PRKG1: variants seen among roughly 807,000 people sequenced by gnomAD.
PRKG1 encodes the protein protein kinase cGMP-dependent 1.
In PRKG1, 35 loss-of-function variants were observed where a neutral mutation model predicts 88.1. The observed-to-expected ratio is 0.40, with a 90% confidence interval of 0.30 to 0.53. PRKG1 has a LOEUF of 0.53. Among genes scored for constraint, PRKG1 ranks in the 20% least tolerant of loss-of-function variants. The pLI, the probability that PRKG1 is intolerant of heterozygous loss-of-function variation, is 0.59. For missense variants in PRKG1, 540 were observed against 839.8 expected (o/e 0.64, Z 4.41); for synonymous variants, 303 against 292.5 (o/e 1.04, Z -0.37).
At chr10:51,536,001 G>T (rs140221251) in intron 3 of PRKG1, among the ~76,000 whole-genome samples, 1,778 of 152,286 alleles carry the variant, frequency 0.012, 17 homozygotes, top group Non-Finnish European at 0.021. Context: ...GTGATTACAG[G>T]CATGAGCCAT....
intron 1 of PRKG1, among the ~76,000 whole-genome samples, chr10:51,009,049 G>A (rs374729422): frequency 6.6e-6 from 1 of 152,082 alleles, no homozygotes; most frequent in East Asian, 1.9e-4. Flanking sequence ...AGTTTTATAA[G>A]GATTTATAGG....
intron 5 of PRKG1, among the ~76,000 whole-genome samples, chr10:51,975,122 C>T (rs1429691929): frequency 1.3e-5 from 2 of 152,132 alleles, no homozygotes; most frequent in East Asian, 3.9e-4. Flanking sequence ...AAATGTGTTA[C>T]CTCTTCAATT....
chr10:51,939,189 G>A (rs961036079), intron 5 of PRKG1, among the ~76,000 whole-genome samples: 1 of 151,880 alleles, frequency 6.6e-6, no homozygotes, highest in African/African-American at 2.4e-5. Context: ...TGCCAGAATT[G>A]AACATTATTT....
At chr10:51,949,097 T>A (rs996762650) in intron 5 of PRKG1, among the ~76,000 whole-genome samples, 1 of 152,194 alleles carries the variant, frequency 6.6e-6, no homozygotes, top group African/African-American at 2.4e-5. Context: ...GCCTTCAATA[T>A]GGACATCTAA....
intron 5 of PRKG1, among the ~76,000 whole-genome samples, chr10:52,022,129 A>G (rs1244564891): frequency 6.6e-6 from 1 of 152,194 alleles, no homozygotes; most frequent in Non-Finnish European, 1.5e-5. Flanking sequence ...ATTAGGGTAA[A>G]TGACTGATAC....
At chr10:51,704,273 A>T (rs1303875225) in intron 3 of PRKG1, among the ~76,000 whole-genome samples, 1 of 152,106 alleles carries the variant, frequency 6.6e-6, no homozygotes, top group Admixed American at 6.6e-5. Context: ...AGATAGATAG[A>T]TATTTTGTTT....
At chr10:52,080,132 A>G (rs2133302511) in intron 7 of PRKG1, among the ~76,000 whole-genome samples, 1 of 152,322 alleles carries the variant, frequency 6.6e-6, no homozygotes, top group East Asian at 1.9e-4. Context: ...ATTCTCAAGA[A>G]ATATGGATTA....
chr10:52,255,279 A>G (rs1488687037), intron 10 of PRKG1, among the ~76,000 whole-genome samples: 1 of 152,070 alleles, frequency 6.6e-6, no homozygotes, highest in Non-Finnish European at 1.5e-5. Flanking sequence ...TACAAGTGAA[A>G]ATTAGTCCCA....
chr10:51,604,112 T>G (rs1357307951), intron 3 of PRKG1, among the ~76,000 whole-genome samples: 2 of 151,902 alleles, frequency 1.3e-5, no homozygotes, highest in African/African-American at 4.8e-5. Context: ...TTCAGCCTTC[T>G]TAACCACCCT....
At chr10:52,157,306 G>GAGATAGAT (rs1289803162) in intron 8 of PRKG1, among the ~76,000 whole-genome samples, 1 of 125,918 alleles carries the variant, frequency 7.9e-6, no homozygotes, top group African/African-American at 2.9e-5. Context: ...TGAGTTAGTT[G>GAGATAGAT]ATATATATAT....
chr10:51,481,845 A>G (rs1385665251), intron 3 of PRKG1, among the ~76,000 whole-genome samples: 1 of 151,986 alleles, frequency 6.6e-6, no homozygotes, highest in Non-Finnish European at 1.5e-5. Context: ...ATTTTTAAGT[A>G]TCTTAGCAAA....
intron 5 of PRKG1, among the ~76,000 whole-genome samples, chr10:52,018,194 T>G (rs1845092684): frequency 6.6e-6 from 1 of 152,194 alleles, no homozygotes; most frequent in Non-Finnish European, 1.5e-5. Context: ...TAAAATGTGG[T>G]GTTGAGCCAA....
At position 52,251,521 on chromosome 10, in the gene PRKG1, G is replaced by A. The variant is rs376733598; in HGVS notation, c.1077-49G>A. 67 of 1,401,080 alleles carry A rather than the reference G, an allele frequency of 4.8e-5. No homozygotes were observed. The African/African-American group carries it at 6.2e-4, about 13-fold the overall frequency. 86.8% of individuals were successfully genotyped at this position (1,401,080 alleles called of 1,614,324 possible). A position where few individuals can be genotyped will look rare whatever the true frequency, so the allele number is the denominator to read the frequency against. ...TCTGGTACAGATGTACGTGGTACTC[G>A]TGTTTGCACCTCTAAGAAATTTCCA... On this transcript the variant is annotated intron_variant, in intron 9 of 17. Coordinates refer to ENST00000373980, the MANE Select transcript of PRKG1 (RefSeq NM_006258.4).
chr10:51,196,466 A>T (rs1039463216), intron 2 of PRKG1, among the ~76,000 whole-genome samples: 2 of 152,208 alleles, frequency 1.3e-5, no homozygotes, highest in African/African-American at 4.8e-5. Context: ...TAGGGACACA[A>T]CACTAGAAAC....
intron 1 of PRKG1, among the ~76,000 whole-genome samples, chr10:51,048,347 G>A (rs1404021516): frequency 4.0e-5 from 6 of 149,310 alleles, no homozygotes; most frequent in African/African-American, 9.9e-5. Flanking sequence ...CCTTGTGCTT[G>A]TATAGTATTT....
chr10:52,103,439 A>G (rs78213193), intron 7 of PRKG1, among the ~76,000 whole-genome samples: 18,645 of 152,012 alleles, frequency 0.12, 1,493 homozygotes, highest in East Asian at 0.3. Flanking sequence ...TGTGAAGATG[A>G]TGAAGATGAA....
At chr10:51,456,996 A>G (rs980589091) in intron 2 of PRKG1, among the ~76,000 whole-genome samples, 1 of 152,210 alleles carries the variant, frequency 6.6e-6, no homozygotes, top group South Asian at 2.1e-4. Flanking sequence ...CAGGAATATA[A>G]ACTAGTATAA....
In PRKG1 at chr10:51,798,746, T is replaced by A. The variant is rs780440050; in HGVS notation, c.593-5839T>A. ...GAAGATAATAGTTTTATATTTATAATGTAGAAAGTAAAAGAGAATTACAAG... is the reference window on the plus strand; with the variant it reads ...GAAGATAATAGTTTTATATTTATAAAGTAGAAAGTAAAAGAGAATTACAAG... On this transcript the variant is annotated intron_variant, in intron 3 of 17. Coordinates refer to ENST00000373980, the MANE Select transcript of PRKG1 (RefSeq NM_006258.4). Among the ~76,000 whole-genome samples, 4 of 152,232 alleles carry A rather than the reference T, an allele frequency of 2.6e-5. No individual in the cohort carries two copies. In the South Asian group the frequency reaches 8.3e-4, roughly 32 times the overall value.
At chr10:52,144,940 T>G (rs186478636) in intron 8 of PRKG1, among the ~76,000 whole-genome samples, 225 of 152,120 alleles carry the variant, frequency 1.5e-3, no homozygotes, top group African/African-American at 5.3e-3. Flanking sequence ...ATTTAATAAA[T>G]AAAGAAAAAA....
Sources: gnomAD v4.1 joint callset for allele counts (sites outside exome capture counted in the v4.1 genomes callset) on GRCh38, gnomAD v4.1.1 for gene constraint, MANE v1.5 for transcripts, NCBI Gene and HGNC (gene_info 2026-07-23, HGNC 2026-07-21) for gene names.